IL1RAPL1: variants seen among roughly 807,000 people sequenced by gnomAD.
The protein encoded by IL1RAPL1 is interleukin 1 receptor accessory protein like 1.
IL1RAPL1 carries 3 observed loss-of-function variants against 48.4 expected under a neutral mutation model. The ratio of observed to expected loss-of-function variants is 0.06; its 90% confidence interval spans 0.03 to 0.16. IL1RAPL1 has a LOEUF of 0.16. IL1RAPL1 is among the 10% of genes least tolerant of loss of function. IL1RAPL1 has a pLI of 1.00. For missense variants in IL1RAPL1, 349 were observed against 530.6 expected, an observed-to-expected ratio of 0.66 and a Z score of 3.36; for synonymous variants, 185 against 187.7, an observed-to-expected ratio of 0.99 and a Z score of 0.12.
intron 2 of IL1RAPL1, among the ~76,000 whole-genome samples, chrX:29,083,512 A>G (rs1307751449): frequency 8.9e-6 from 1 of 111,882 alleles, no homozygotes; most frequent in Non-Finnish European, 1.9e-5. Context: ...GTGAAGGGTC[A>G]GAAGTTTGCT....
At position 28,915,961 on chromosome X, in the gene IL1RAPL1, A is replaced by G. The variant is rs1444254595; in HGVS notation, c.82+126536A>G. 2.7e-5 allele frequency among the ~76,000 whole-genome samples: 3 copies of G among 109,894 alleles called. No homozygotes were observed. The East Asian group carries it at 8.5e-4, about 31-fold the overall frequency. Reference sequence around the variant, plus strand: ...TGTATGTGTATATATATATATATATATGCTTGTTAATTTGAAATAGCTAAT... The same window carrying G: ...TGTATGTGTATATATATATATATATGTGCTTGTTAATTTGAAATAGCTAAT... On this transcript the variant is annotated intron_variant, in intron 2 of 10. Transcript: ENST00000378993.
intron 2 of IL1RAPL1, among the ~76,000 whole-genome samples, chrX:29,073,952 T>A (rs2147442561): frequency 9.0e-6 from 1 of 111,633 alleles, no homozygotes; most frequent in Non-Finnish European, 1.9e-5. Flanking sequence ...CAGTTTTAAG[T>A]TCCTCACTGG....
At chrX:29,309,181 G>A (rs1932669852) in intron 3 of IL1RAPL1, among the ~76,000 whole-genome samples, 2 of 112,090 alleles carry the variant, frequency 1.8e-5, no homozygotes, top group Admixed American at 9.5e-5. Context: ...CAAAGCTATT[G>A]TAATATCAGT....
intron 6 of IL1RAPL1, among the ~76,000 whole-genome samples, chrX:29,713,755 G>C (rs753374459): frequency 1.8e-5 from 2 of 111,966 alleles, no homozygotes; most frequent in African/African-American, 6.5e-5. Flanking sequence ...CACATCAGTG[G>C]AAATAAAGGA....
intron 1 of IL1RAPL1, among the ~76,000 whole-genome samples, chrX:28,708,099 A>T (rs1474680712): frequency 8.9e-6 from 1 of 111,756 alleles, no homozygotes; most frequent in Admixed American, 9.5e-5. Context: ...ACAGTAATGG[A>T]AACATTTGGC....
intron 5 of IL1RAPL1, among the ~76,000 whole-genome samples, chrX:29,650,943 A>G (rs936252044): frequency 9.0e-6 from 1 of 110,730 alleles, no homozygotes; most frequent in Admixed American, 9.6e-5. Flanking sequence ...AAGTCAAATA[A>G]CCCATTAAAA....
chrX:29,020,022 C>T (rs1926327948), intron 2 of IL1RAPL1, among the ~76,000 whole-genome samples: 2 of 112,129 alleles, frequency 1.8e-5, no homozygotes, highest in South Asian at 3.7e-4. Flanking sequence ...GTGAGGAGAA[C>T]GTTGAAGGGC....
At chrX:29,370,183 T>G (rs16988520) in intron 3 of IL1RAPL1, among the ~76,000 whole-genome samples, 6,634 of 111,735 alleles carry the variant, frequency 0.059, 510 homozygotes, top group African/African-American at 0.2. Context: ...TTTTGCAATG[T>G]TTTTATCTGC....
At chrX:29,725,087 C>T (rs111836164) in intron 6 of IL1RAPL1, among the ~76,000 whole-genome samples, 2 of 110,220 alleles carry the variant, frequency 1.8e-5, no homozygotes, top group African/African-American at 3.3e-5. Context: ...AGACACAGTT[C>T]GTTCCTATGA....
chrX:29,590,840 C>T (rs745778211), intron 5 of IL1RAPL1, among the ~76,000 whole-genome samples: 1 of 112,302 alleles, frequency 8.9e-6, no homozygotes, highest in South Asian at 3.7e-4. Context: ...TCACCTACCA[C>T]AGCTTCTCTG....
At chrX:28,626,765 G>T (rs1934344980) in intron 1 of IL1RAPL1, among the ~76,000 whole-genome samples, 1 of 112,385 alleles carries the variant, frequency 8.9e-6, no homozygotes, top group Non-Finnish European at 1.9e-5. Context: ...ATGCACCACT[G>T]TCATTCAGAC....
chrX:29,652,072 A>G (rs1300171378), intron 5 of IL1RAPL1, among the ~76,000 whole-genome samples: 2 of 111,929 alleles, frequency 1.8e-5, no homozygotes, highest in Non-Finnish European at 3.8e-5. Context: ...TTTTTAATGT[A>G]GATCTTCAGA....
chrX:29,299,339 A>G (rs1420411090), intron 3 of IL1RAPL1, among the ~76,000 whole-genome samples: 1 of 111,728 alleles, frequency 9.0e-6, no homozygotes, highest in Non-Finnish European at 1.9e-5. Context: ...TTTGATGTGC[A>G]TTGTCCAAAA....
chrX:29,540,275 C>A (rs1346449281), intron 5 of IL1RAPL1, among the ~76,000 whole-genome samples: 1 of 108,607 alleles, frequency 9.2e-6, no homozygotes, highest in Non-Finnish European at 1.9e-5. Context: ...AAAAAAAAAT[C>A]ATAGATGTCA....
intron 2 of IL1RAPL1, among the ~76,000 whole-genome samples, chrX:29,178,881 G>C (rs1415734511): frequency 8.9e-6 from 1 of 111,734 alleles, no homozygotes; most frequent in Non-Finnish European, 1.9e-5. Flanking sequence ...GTTTTTGTCA[G>C]GTTTGTCAAA....
At chrX:29,887,028 A>C (rs945882667) in intron 6 of IL1RAPL1, among the ~76,000 whole-genome samples, 2 of 111,845 alleles carry the variant, frequency 1.8e-5, no homozygotes, top group African/African-American at 6.5e-5. Flanking sequence ...AATCCCAACC[A>C]ATGAATAAGA....
At chrX:29,142,688 A>G (rs1929267634) in intron 2 of IL1RAPL1, among the ~76,000 whole-genome samples, 1 of 103,512 alleles carries the variant, frequency 9.7e-6, no homozygotes, top group Non-Finnish European at 1.9e-5. Context: ...TTATTTCAAG[A>G]TGTTAGAGAA....
intron 1 of IL1RAPL1, among the ~76,000 whole-genome samples, chrX:28,776,856 T>C (rs1443190321): frequency 1.8e-5 from 2 of 112,002 alleles, no homozygotes; most frequent in South Asian, 3.7e-4. Context: ...ATAATGCTTA[T>C]TACTTACAGG....
At position 29,336,269 on chromosome X, in the gene IL1RAPL1, C is replaced by CATATATATATATATATATATATATGCCAT. The variant is rs57126796; in HGVS notation, c.362+53074_362+53075insATGCCATATATATATATATATATATATAT. Among the ~76,000 whole-genome samples, 33 of 57,461 alleles carry CATATATATATATATATATATATATGCCAT rather than the reference C, an allele frequency of 5.7e-4. 1 individual carries two copies. Among genetic ancestry groups the CATATATATATATATATATATATATGCCAT allele is most frequent in the African/African-American group, 1.9e-3 (31 of 16,125 alleles). The allele number at this position is 57,461 out of a possible 115,157, so 49.9% of individuals were successfully genotyped here. ...CCTTTAATATATTACATATATATGC[C>CATATATATATATATATATATATATGCCAT]ATATATATATATATATATATATGCA... On this transcript the variant is annotated intron_variant, in intron 3 of 10. Transcript: ENST00000378993.
Sources: allele counts gnomAD v4.1 joint callset (sites outside exome capture counted in the v4.1 genomes callset), GRCh38; gene constraint gnomAD v4.1.1; transcripts MANE v1.5; gene names NCBI Gene and HGNC (gene_info 2026-07-23, HGNC 2026-07-21).